ZSWIM6: variants seen among roughly 807,000 people sequenced by gnomAD.
The protein encoded by ZSWIM6 is zinc finger SWIM domain-containing protein 6.
A neutral mutation model predicts 113.2 loss-of-function variants in ZSWIM6; 9 were observed. That is an observed-to-expected ratio of 0.08 (90% CI 0.05 to 0.14). ZSWIM6 has a LOEUF of 0.14. ZSWIM6 is among the 10% of genes least tolerant of loss of function. The pLI, the probability that ZSWIM6 is intolerant of heterozygous loss-of-function variation, is 1.00. For missense variants in ZSWIM6, 1,162 were observed against 1,552.2 expected (o/e 0.75, Z 4.22); for synonymous variants, 611 against 606.5 (o/e 1.01, Z -0.11).
chr5:61,386,994 C>A (rs542614056), intron 1 of ZSWIM6, among the ~76,000 whole-genome samples: 1 of 152,082 alleles, frequency 6.6e-6, no homozygotes, highest in South Asian at 2.1e-4. Context: ...TTCAAGGGAG[C>A]CTTTGCCTTT....
chr5:61,517,379 TC>T (rs1440043270), intron 4 of ZSWIM6, among the ~76,000 whole-genome samples: 1 of 152,182 alleles, frequency 6.6e-6, no homozygotes, highest in East Asian at 1.9e-4. Flanking sequence ...CACTGACTTT[TC>T]CCTCTGTCAT....
intron 3 of ZSWIM6, among the ~76,000 whole-genome samples, chr5:61,491,479 A>G (rs1467080853): frequency 6.6e-6 from 1 of 152,032 alleles, no homozygotes; most frequent in South Asian, 2.1e-4. Flanking sequence ...ATAATAACAT[A>G]TCTCCTAAAA....
chr5:61,471,811 G>A (rs924256689), intron 1 of ZSWIM6, among the ~76,000 whole-genome samples: 2 of 152,116 alleles, frequency 1.3e-5, no homozygotes, highest in African/African-American at 4.8e-5. Flanking sequence ...CACAAAACTG[G>A]TCCCTGGTGC....
At position 61,494,418 on chromosome 5, in the gene ZSWIM6, T is replaced by A; in HGVS notation, c.1333+8T>A. 1 of 1,550,692 alleles carries A rather than the reference T, an allele frequency of 6.4e-7. No individual in the cohort carries two copies. The highest frequency in any genetic ancestry group is 2.0e-5 in the Admixed American group (1 of 50,966). On this transcript the variant is annotated splice_region_variant and intron_variant, in intron 4 of 13. Transcript: ENST00000252744. Reference sequence around the variant, plus strand: ...AGCTCTGGGATGAGCTGGGTAAGCATGTTTCCTCACAAATTACCATTGATT... The same window carrying A: ...AGCTCTGGGATGAGCTGGGTAAGCAAGTTTCCTCACAAATTACCATTGATT...
At chr5:61,482,869 T>C (rs1747912636) in intron 2 of ZSWIM6, among the ~76,000 whole-genome samples, 2 of 151,894 alleles carry the variant, frequency 1.3e-5, no homozygotes, top group African/African-American at 4.8e-5. Flanking sequence ...TTCTGAATTC[T>C]AATCCATCCT....
intron 1 of ZSWIM6, among the ~76,000 whole-genome samples, chr5:61,372,393 A>T (rs1470464905): frequency 6.6e-6 from 1 of 152,050 alleles, no homozygotes; most frequent in Admixed American, 6.6e-5. Context: ...CACTCCACTG[A>T]ACCTGCTAAA....
chr5:61,505,913 A>AT (rs1416731285), intron 4 of ZSWIM6, among the ~76,000 whole-genome samples: 4 of 151,310 alleles, frequency 2.6e-5, no homozygotes, highest in Non-Finnish European at 5.9e-5. Context: ...TGCCCAGCTA[A>AT]TTTTTTGTAT....
intron 1 of ZSWIM6, among the ~76,000 whole-genome samples, chr5:61,354,498 G>A (rs1474059436): frequency 6.6e-6 from 1 of 152,160 alleles, no homozygotes; most frequent in African/African-American, 2.4e-5. Flanking sequence ...GACGTGACAC[G>A]AGATGTATTT....
intron 1 of ZSWIM6, among the ~76,000 whole-genome samples, chr5:61,379,362 T>G (rs973622569): frequency 1.5e-4 from 23 of 149,030 alleles, no homozygotes; most frequent in South Asian, 2.2e-4. Context: ...TTTTTTTGAT[T>G]TGTGAAGTGT....
rs954444840 is a variant in ZSWIM6, at chr5:61,526,352, G to T, written c.1793G>T (p.Arg598Leu). 1.3e-6 allele frequency: 2 copies of T among 1,551,918 alleles called. No homozygotes were observed. Among genetic ancestry groups the T allele is most frequent in the Non-Finnish European group, 1.7e-6 (2 of 1,147,042 alleles). ...ATAGCTATTGTTAATACATTAAGAC[G>T]ACAGCAGCAGAAACAGTTGGAAATG... ...LAIAIVNTLR[R>L]QQQKQLEMFR... The change falls in exon 7 of 14, where the codon CGA (arginine) becomes CTA (leucine). Residue 598 changes from arginine to leucine, a missense_variant. Around this residue, in one of 4 missense-constraint regions of ZSWIM6, gnomAD observed 620 missense variants for 804.6 expected, o/e 0.77. Coordinates refer to ENST00000252744, the MANE Select transcript of ZSWIM6 (RefSeq NM_020928.2).
chr5:61,497,943 G>A (rs1748365175), intron 4 of ZSWIM6, among the ~76,000 whole-genome samples: 1 of 152,126 alleles, frequency 6.6e-6, no homozygotes. Context: ...GATTGGGGGT[G>A]AGCACACCTA....
chr5:61,520,192 T>C lies in ZSWIM6; in HGVS notation c.1334-1071T>C, dbSNP rs913095598. 2.6e-5 allele frequency among the ~76,000 whole-genome samples: 4 copies of C among 152,130 alleles called. No individual in the cohort carries two copies. In the South Asian group the frequency reaches 6.2e-4, roughly 24 times the overall value. On this transcript the variant is annotated intron_variant, in intron 4 of 13. Transcript: ENST00000252744. ...CCCTATCTTTTGGATAAATAAAACA[T>C]AAACAGTTTTCATTCCTACCATTAT... is the stretch of plus-strand genomic sequence containing the variant.
chr5:61,360,247 TTTC>T (rs905599983), intron 1 of ZSWIM6, among the ~76,000 whole-genome samples: 6 of 152,206 alleles, frequency 3.9e-5, no homozygotes, highest in Admixed American at 2.0e-4. Flanking sequence ...AAAGGCCCCT[TTTC>T]TTTCTCTCAC....
chr5:61,479,580 T>G (rs1048367776), intron 2 of ZSWIM6, among the ~76,000 whole-genome samples: 6 of 152,192 alleles, frequency 3.9e-5, no homozygotes, highest in Non-Finnish European at 5.9e-5. Context: ...CTAGAAGAGC[T>G]TATTATTCCC....
At chr5:61,363,009 A>G (rs928669920) in intron 1 of ZSWIM6, among the ~76,000 whole-genome samples, 2 of 152,208 alleles carry the variant, frequency 1.3e-5, no homozygotes, top group Non-Finnish European at 2.9e-5. Flanking sequence ...TCTGTGACAC[A>G]CAGCATTGGC....
intron 1 of ZSWIM6, among the ~76,000 whole-genome samples, chr5:61,377,786 A>G (rs1244864582): frequency 6.6e-6 from 1 of 152,216 alleles, no homozygotes; most frequent in African/African-American, 2.4e-5. Context: ...AAGATAGACA[A>G]ATTTCCTTGA....
At chr5:61,440,119 G>C (rs1178007915) in intron 1 of ZSWIM6, among the ~76,000 whole-genome samples, 1 of 151,496 alleles carries the variant, frequency 6.6e-6, no homozygotes, top group African/African-American at 2.4e-5. Context: ...GGTAGGAAAG[G>C]TGAAAAAAAA....
intron 2 of ZSWIM6, among the ~76,000 whole-genome samples, chr5:61,489,348 A>C (rs1326276447): frequency 6.6e-6 from 1 of 152,066 alleles, no homozygotes; most frequent in East Asian, 1.9e-4. Context: ...TCCTCTGAGC[A>C]GTTATTACCA....
At chr5:61,529,367 T>C (rs1024598354) in intron 7 of ZSWIM6, among the ~76,000 whole-genome samples, 5 of 152,250 alleles carry the variant, frequency 3.3e-5, no homozygotes, top group African/African-American at 1.2e-4. Context: ...GTGAAGAAAA[T>C]GAAAAGGATT....
Sources: gnomAD v4.1 joint callset for allele counts (sites outside exome capture counted in the v4.1 genomes callset) on GRCh38, gnomAD v4.1.1 for gene constraint, gnomAD v4.1.1 regional missense constraint, MANE v1.5 for transcripts, NCBI Gene and HGNC (gene_info 2026-07-23, HGNC 2026-07-21) for gene names.